Variants in SORCS1 observed in about 807,000 individuals in gnomAD.
The protein encoded by SORCS1 is sortilin related VPS10 domain containing receptor 1.
A neutral mutation model predicts 146.1 loss-of-function variants in SORCS1; 60 were observed. The observed-to-expected ratio is 0.41, with a 90% CI of 0.33 to 0.51. SORCS1 has a LOEUF of 0.51. Ranked by LOEUF, SORCS1 falls within the 20% of genes least tolerant of loss-of-function variation. SORCS1 has a pLI of 0.21. For missense variants in SORCS1, 1,352 were observed against 1,487.6 expected (o/e 0.91, Z 1.50); for synonymous variants, 637 against 584.0 (o/e 1.09, Z -1.31).
intron 1 of SORCS1, among the ~76,000 whole-genome samples, chr10:107,034,461 C>A (rs531581923): frequency 6.6e-6 from 1 of 151,762 alleles, no homozygotes; most frequent in African/African-American, 2.4e-5. Context: ...GGGCAGATCA[C>A]CTGAGGCCAG....
At chr10:106,851,865 A>G (rs1949587678) in intron 2 of SORCS1, among the ~76,000 whole-genome samples, 1 of 152,130 alleles carries the variant, frequency 6.6e-6, no homozygotes, top group African/African-American at 2.4e-5. Flanking sequence ...TTAGTTTTTT[A>G]ACATCCTTTA....
intron 23 of SORCS1, among the ~76,000 whole-genome samples, chr10:106,601,071 T>C (rs575338174): frequency 3.9e-5 from 6 of 152,226 alleles, no homozygotes; most frequent in African/African-American, 9.6e-5. Context: ...AGTTGCATAA[T>C]TGGGTAATGT....
chr10:106,660,582 G>T (rs1850647585), intron 17 of SORCS1, among the ~76,000 whole-genome samples: 1 of 151,828 alleles, frequency 6.6e-6, no homozygotes, highest in South Asian at 2.1e-4. Context: ...ATTTTTTCTT[G>T]GACCCACTGT....
intron 1 of SORCS1, among the ~76,000 whole-genome samples, chr10:107,133,206 G>A (rs1397150356): frequency 3.9e-5 from 6 of 152,192 alleles, no homozygotes; most frequent in Non-Finnish European, 7.3e-5. Context: ...ATGAGAAGGT[G>A]AGGGGAGGAA....
chr10:106,999,173 C>A (rs1957114310), intron 1 of SORCS1, among the ~76,000 whole-genome samples: 2 of 152,096 alleles, frequency 1.3e-5, no homozygotes, highest in Non-Finnish European at 2.9e-5. Flanking sequence ...GCACTTCTAA[C>A]AACTAAAAAC....
At chr10:107,034,469 C>CA (rs1423843125) in intron 1 of SORCS1, among the ~76,000 whole-genome samples, 2 of 151,576 alleles carry the variant, frequency 1.3e-5, no homozygotes, top group Non-Finnish European at 2.9e-5. Context: ...CACCTGAGGC[C>CA]AGGAGTTTGA....
chr10:106,985,536 A>G (rs994434345), intron 1 of SORCS1, among the ~76,000 whole-genome samples: 5 of 150,858 alleles, frequency 3.3e-5, no homozygotes, highest in Non-Finnish European at 7.4e-5. Context: ...TATTTCACTT[A>G]AGCTTTTTTT....
chr10:106,941,284 G>A (rs774108644), intron 2 of SORCS1, among the ~76,000 whole-genome samples: 1 of 152,188 alleles, frequency 6.6e-6, no homozygotes, highest in Non-Finnish European at 1.5e-5. Context: ...GTGTTTGTCT[G>A]TTGGTGTTGT....
At chr10:106,804,169 A>G (rs1947051042) in intron 3 of SORCS1, among the ~76,000 whole-genome samples, 1 of 152,102 alleles carries the variant, frequency 6.6e-6, no homozygotes, top group Admixed American at 6.5e-5. Context: ...CATTATCAAA[A>G]ATGAGGAGAG....
At chr10:106,792,973 T>C (rs965772675) in intron 3 of SORCS1, among the ~76,000 whole-genome samples, 16 of 152,216 alleles carry the variant, frequency 1.1e-4, no homozygotes, top group African/African-American at 3.6e-4. Context: ...CATTCAACCA[T>C]TCATTTCATT....
chr10:107,068,885 A>G (rs1962164050), intron 1 of SORCS1, among the ~76,000 whole-genome samples: 1 of 151,018 alleles, frequency 6.6e-6, no homozygotes, highest in Non-Finnish European at 1.5e-5. Flanking sequence ...AAAAAAAAAA[A>G]GGAAACCTCA....
intron 4 of SORCS1, among the ~76,000 whole-genome samples, chr10:106,767,284 GAA>G (rs1182529592): frequency 1.3e-5 from 2 of 152,088 alleles, no homozygotes; most frequent in Non-Finnish European, 2.9e-5. Flanking sequence ...AGCTGTCACT[GAA>G]GTCTGTCAAA....
intron 1 of SORCS1, among the ~76,000 whole-genome samples, chr10:106,992,818 CTTTCTTTCTTT>C (rs1288770719): frequency 4.3e-4 from 48 of 110,418 alleles, no homozygotes; most frequent in African/African-American, 1.6e-3. Flanking sequence ...TTCTTCCTTT[CTTTCTTTCTTT>C]TTTTTTTTTT....
chr10:107,059,367 A>G (rs17195520), intron 1 of SORCS1, among the ~76,000 whole-genome samples: 35,526 of 152,114 alleles, frequency 0.23, 4,522 homozygotes, highest in Middle Eastern at 0.41. Context: ...TTCCTACACA[A>G]TCTTATTTTT....
At chr10:106,646,697 A>T (rs12219036) in intron 18 of SORCS1, among the ~76,000 whole-genome samples, 10,713 of 152,184 alleles carry the variant, frequency 0.07, 454 homozygotes, top group East Asian at 0.21. Context: ...ACTCAAAAAA[A>T]ATAAATAAAT....
intron 1 of SORCS1, among the ~76,000 whole-genome samples, chr10:107,059,879 TA>T (rs34340304): frequency 0.41 from 60,028 of 148,178 alleles, 12,992 homozygotes; most frequent in Middle Eastern, 0.6. Context: ...AAAAGTAGAT[TA>T]AAAAAAAAAA....
At chr10:107,038,093 G>C (rs1456727569) in intron 1 of SORCS1, among the ~76,000 whole-genome samples, 1 of 152,194 alleles carries the variant, frequency 6.6e-6, no homozygotes, top group Non-Finnish European at 1.5e-5. Context: ...AGTGTGCTGG[G>C]ATTACAGGCG....
chr10:107,126,621 A>G (rs1966728267), intron 1 of SORCS1, among the ~76,000 whole-genome samples: 1 of 152,006 alleles, frequency 6.6e-6, no homozygotes, highest in African/African-American at 2.4e-5. Flanking sequence ...TTCTCTGCAT[A>G]TTTGTGGAGA....
intron 2 of SORCS1, among the ~76,000 whole-genome samples, chr10:106,856,921 T>G (rs1949808816): frequency 6.6e-6 from 1 of 152,226 alleles, no homozygotes; most frequent in Admixed American, 6.5e-5. Context: ...ACTTCACTTG[T>G]AGGATGATCT....
Sources: allele counts gnomAD v4.1 joint callset (sites outside exome capture counted in the v4.1 genomes callset), GRCh38; gene constraint gnomAD v4.1.1; transcripts MANE v1.5; gene names NCBI Gene and HGNC (gene_info 2026-07-23, HGNC 2026-07-21).